Variants in CFAP74 observed in about 807,000 individuals in gnomAD.
CFAP74 encodes the protein cilia- and flagella-associated protein 74.
A neutral mutation model predicts 188.9 loss-of-function variants in CFAP74; 124 were observed. The observed-to-expected ratio is 0.66, with a 90% CI of 0.57 to 0.76. The LOEUF (loss-of-function observed/expected upper bound fraction) is 0.76, where lower values mean the gene tolerates loss of function less well. CFAP74 is among the 30% of genes least tolerant of loss of function. CFAP74 has a pLI of 0.00. For missense variants in CFAP74, 2,198 were observed against 2,165.2 expected (o/e 1.02, Z -0.30); for synonymous variants, 956 against 916.7 (o/e 1.04, Z -0.77).
intron 18 of CFAP74, among the ~76,000 whole-genome samples, chr1:1,950,893 A>G (rs536174919): frequency 1.3e-5 from 2 of 152,300 alleles, no homozygotes; most frequent in African/African-American, 4.8e-5. Flanking sequence ...ACCTAGGGCC[A>G]CACATTCTCT....
At chr1:1,991,775 C>T (rs578107980) in intron 1 of CFAP74, among the ~76,000 whole-genome samples, 3 of 152,034 alleles carry the variant, frequency 2.0e-5, no homozygotes, top group Non-Finnish European at 4.4e-5. Context: ...CGTGGTGGCT[C>T]ACACCTGTAA....
intron 1 of CFAP74, among the ~76,000 whole-genome samples, chr1:1,998,855 C>T (rs1036693442): frequency 1.3e-5 from 2 of 151,548 alleles, no homozygotes; most frequent in Admixed American, 6.6e-5. Flanking sequence ...CTAGCCTAGG[C>T]GACAGAGTGA....
intron 1 of CFAP74, among the ~76,000 whole-genome samples, chr1:2,000,148 A>G (rs997852570): frequency 6.6e-6 from 1 of 152,248 alleles, no homozygotes; most frequent in Non-Finnish European, 1.5e-5. Flanking sequence ...TGGGCGACAG[A>G]GCGAGACTCC....
At position 1,966,454 on chromosome 1, in the gene CFAP74, C is replaced by A; in HGVS notation, c.1318G>T (p.Asp440Tyr). The change falls in exon 12 of 39, where the codon GAC becomes TAC. Residue 440 changes from aspartate (D) to tyrosine (Y), a missense_variant. Coordinates refer to ENST00000682832, the MANE Select transcript of CFAP74 (RefSeq NM_001304360.2). ...TCCTCCTCTGAGCTGGCCCCGGGGT[C>A]CCCCTGGATAAGCTCACTGGAAACG... is the stretch of plus-strand genomic sequence containing the variant. ...EVVSSELIQG[D>Y]PGASSEEETL... 2 of 1,606,160 alleles carry A rather than the reference C, an allele frequency of 1.2e-6. No homozygotes were observed. The highest frequency in any genetic ancestry group is 1.7e-5 in the Admixed American group (1 of 59,318).
At chr1:1,955,108 C>G (rs749165758) in intron 18 of CFAP74, 1 of 1,274,948 alleles carries the variant, frequency 7.8e-7, no homozygotes, top group African/African-American at 1.6e-5. Flanking sequence ...GAGAACCGGC[C>G]CAGCTCCGCG....
At chr1:1,998,186 A>G (rs188916186) in intron 1 of CFAP74, among the ~76,000 whole-genome samples, 268 of 152,046 alleles carry the variant, frequency 1.8e-3, no homozygotes, top group African/African-American at 6.1e-3. Flanking sequence ...GCTGAGGCAG[A>G]AGAATCACTT....
chr1:1,981,102 C>T (rs372241321), intron 6 of CFAP74, among the ~76,000 whole-genome samples: 135 of 152,342 alleles, frequency 8.9e-4, no homozygotes, highest in African/African-American at 3.1e-3. Context: ...CAAGCTGCCC[C>T]TCGCACACAC....
In CFAP74 at chr1:1,973,780, G is replaced by A. The variant is rs1656251560; in HGVS notation, c.674+245C>T. On this transcript the variant is annotated intron_variant, in intron 7 of 38. Coordinates refer to ENST00000682832, the MANE Select transcript of CFAP74 (RefSeq NM_001304360.2). This position sits in a 1 kb window ranked among gnomAD's most constrained non-coding sequence, Gnocchi z 6.2. ...GTGGCTTTAGTAGCCAGCTTTAGCGGCTGTATGGTGGCTGCGGCATCTTGG... is the reference window on the plus strand; with the variant it reads ...GTGGCTTTAGTAGCCAGCTTTAGCGACTGTATGGTGGCTGCGGCATCTTGG... Among the ~76,000 whole-genome samples, 3 of 152,186 alleles carry A rather than the reference G, an allele frequency of 2.0e-5. No homozygotes were observed. In the South Asian group the frequency reaches 6.2e-4, roughly 32 times the overall value.
chr1:1,982,979 T>C (rs1657002790), intron 6 of CFAP74, among the ~76,000 whole-genome samples: 1 of 152,226 alleles, frequency 6.6e-6, no homozygotes, highest in Non-Finnish European at 1.5e-5. Context: ...AGCCTCTCAC[T>C]GTGCCCGAAA....
rs1651483071 is a variant in CFAP74 at position 1,922,731 on chromosome 1, G to T, written c.4684-8C>A. ...TATGCTGAACTCAACGGTCTGTGGG[G>T]TATGGGGCTCCTGTAGGCTGGCGAC... On this transcript the variant is annotated splice_region_variant and splice_polypyrimidine_tract_variant and intron_variant, in intron 37 of 38. Coordinates refer to ENST00000682832, the MANE Select transcript of CFAP74 (RefSeq NM_001304360.2). The T allele has an allele frequency of 1.2e-6, 2 of 1,602,334 alleles. No individual in the cohort carries two copies. Among genetic ancestry groups the T allele is most frequent in the African/African-American group, 1.3e-5 (1 of 74,674 alleles).
intron 2 of CFAP74, among the ~76,000 whole-genome samples, chr1:1,989,299 G>A (rs946113291): frequency 6.6e-6 from 1 of 152,246 alleles, no homozygotes; most frequent in Non-Finnish European, 1.5e-5. Flanking sequence ...CCACGCAGCT[G>A]TGTGTGTGGG....
At chr1:1,995,691 C>T (rs536330837) in intron 1 of CFAP74, among the ~76,000 whole-genome samples, 7 of 151,814 alleles carry the variant, frequency 4.6e-5, no homozygotes, top group South Asian at 2.1e-4. Flanking sequence ...GGGTGGATCA[C>T]GAGGTCAGGA....
chr1:1,969,901 A>G (rs888291786), intron 10 of CFAP74, among the ~76,000 whole-genome samples: 5 of 152,286 alleles, frequency 3.3e-5, no homozygotes, highest in African/African-American at 9.6e-5. Context: ...GGATGGGGAG[A>G]AAGGGCCAGG....
intron 1 of CFAP74, among the ~76,000 whole-genome samples, chr1:1,993,960 C>A (rs538445541): frequency 1.8e-4 from 27 of 150,258 alleles, no homozygotes; most frequent in African/African-American, 4.9e-4. Flanking sequence ...CCAGCCTGGG[C>A]GACAGAGCAA....
At chr1:1,997,470 A>G (rs1236436441) in intron 1 of CFAP74, among the ~76,000 whole-genome samples, 1 of 152,148 alleles carries the variant, frequency 6.6e-6, no homozygotes, top group Non-Finnish European at 1.5e-5. Context: ...GAAGGGAAAA[A>G]TGGTCATTAT....
Position 1,923,116 on chromosome 1 carries a change from C to T in CFAP74, c.4552G>A (p.Glu1518Lys). 6.2e-7 allele frequency: 1 copy of T among 1,609,996 alleles called. No individual in the cohort carries two copies. Among genetic ancestry groups the T allele is most frequent in the Non-Finnish European group, 8.5e-7 (1 of 1,179,134 alleles). The part of the protein sequence containing the change: ...ASSRPGPLSP[E>K]AEELRPILVT... The stretch of plus-strand genomic sequence containing the variant: ...AGGATGGGCCTCAGCTCCTCAGCTT[C>T]TGGAGAGAGAGGGCCTGGCCGGGAG... The change falls in exon 37 of 39, where the codon GAA becomes AAA. Residue 1518 changes from glutamate (E) to lysine (K), a missense_variant. Transcript: ENST00000682832. This position sits in a 1 kb window ranked among gnomAD's most constrained non-coding sequence, Gnocchi z 6.3.
chr1:1,971,035 CTGCACACACG>C (rs1224139252), intron 9 of CFAP74, among the ~76,000 whole-genome samples: 11 of 149,832 alleles, frequency 7.3e-5, no homozygotes, highest in Non-Finnish European at 8.9e-5. Context: ...ACATGCACAC[CTGCACACACG>C]TGCACACACA....
intron 33 of CFAP74, among the ~76,000 whole-genome samples, chr1:1,924,774 C>T (rs577641852): frequency 4.1e-4 from 63 of 152,348 alleles, no homozygotes; most frequent in African/African-American, 1.5e-3. Context: ...TGGGGTGTCA[C>T]CTGTCCTCCA....
chr1:1,924,605 T>C, intron 33 of CFAP74, 85 bp from the exon 34 acceptor site: 1 of 1,463,748 alleles, frequency 6.8e-7, no homozygotes, highest in Admixed American at 2.2e-5. Flanking sequence ...ACTTGGCTGG[T>C]GCTATGAGGC....
Sources: gnomAD v4.1 joint callset for allele counts (sites outside exome capture counted in the v4.1 genomes callset) on GRCh38, gnomAD v4.1.1 for gene constraint, Gnocchi (gnomAD v3.1) non-coding constraint, MANE v1.5 for transcripts, NCBI Gene and HGNC (gene_info 2026-07-23, HGNC 2026-07-21) for gene names.